Variants in ADARB2 observed in about 807,000 individuals in gnomAD.
ADARB2 encodes inactive double-stranded RNA-specific editase B2.
In ADARB2, 25 loss-of-function variants were observed where a neutral mutation model predicts 62.2. That is an observed-to-expected ratio of 0.40 (90% CI 0.29 to 0.56). The LOEUF (loss-of-function observed/expected upper bound fraction) is 0.56, where lower values mean the gene tolerates loss of function less well. Ranked by LOEUF, ADARB2 falls within the 20% of genes least tolerant of loss-of-function variation. ADARB2 has a pLI of 0.43. For synonymous variants in ADARB2, 572 were observed against 500.8 expected, an observed-to-expected ratio of 1.14 and a Z score of -1.90; for missense variants, 1,071 against 1,077.4, an observed-to-expected ratio of 0.99 and a Z score of 0.08.
rs140935816 is a variant in ADARB2 at position 1,505,862 on chromosome 10, T to C, written c.101-126702A>G. On this transcript the variant is annotated intron_variant, in intron 1 of 9. Coordinates refer to ENST00000381312, the MANE Select transcript of ADARB2 (RefSeq NM_018702.4). Reference sequence around the variant, plus strand: ...AAGCCAGAAGCTCCATCGTGTTCTATTTCTGTGTGAGTGAGTGCATGACAT... The same window carrying C: ...AAGCCAGAAGCTCCATCGTGTTCTACTTCTGTGTGAGTGAGTGCATGACAT... 2.0e-5 allele frequency among the ~76,000 whole-genome samples: 3 copies of C among 152,348 alleles called. 1 individual carries two copies. The East Asian group carries it at 5.8e-4, about 29-fold the overall frequency.
chr10:1,355,561 T>G (rs1832186854), intron 3 of ADARB2, among the ~76,000 whole-genome samples: 1 of 152,262 alleles, frequency 6.6e-6, no homozygotes, highest in Non-Finnish European at 1.5e-5. Flanking sequence ...ATGGCACTGT[T>G]GTTATCATCA....
chr10:1,721,809 T>A (rs61832026), intron 1 of ADARB2, among the ~76,000 whole-genome samples: 7 of 151,856 alleles, frequency 4.6e-5, no homozygotes, highest in African/African-American at 7.3e-5. Context: ...CAGCCCTTGG[T>A]CAGTGCTCCT....
chr10:1,640,685 C>A (rs1205315162), intron 1 of ADARB2, among the ~76,000 whole-genome samples: 1 of 152,150 alleles, frequency 6.6e-6, no homozygotes, highest in Non-Finnish European at 1.5e-5. Context: ...CATGCACACA[C>A]ATAAATGTCT....
At chr10:1,684,018 G>A (rs568276504) in intron 1 of ADARB2, among the ~76,000 whole-genome samples, 6 of 152,338 alleles carry the variant, frequency 3.9e-5, no homozygotes, top group African/African-American at 7.2e-5. Flanking sequence ...ATGCCTGTGC[G>A]CTGTGATCAC....
chr10:1,460,448 C>T (rs1831157845), intron 1 of ADARB2, among the ~76,000 whole-genome samples: 1 of 85,610 alleles, frequency 1.2e-5, no homozygotes. Context: ...CTGAGTTTAC[C>T]TGCGTAACGA....
chr10:1,241,324 G>A lies in ADARB2; in HGVS notation c.1361+807C>T, dbSNP rs1042006040. Among the ~76,000 whole-genome samples, 7 of 152,216 alleles carry A rather than the reference G, an allele frequency of 4.6e-5. No homozygotes were observed. The South Asian group carries it at 1.0e-3, about 23-fold the overall frequency. On this transcript the variant is annotated intron_variant, in intron 5 of 9. Coordinates refer to ENST00000381312, the MANE Select transcript of ADARB2 (RefSeq NM_018702.4). ...CAGCAGCGTCTGCTTAGGGCTACACGTGGGCCTTTCTCCTTTTGTGTGGCT... is the reference window on the plus strand; with the variant it reads ...CAGCAGCGTCTGCTTAGGGCTACACATGGGCCTTTCTCCTTTTGTGTGGCT...
At chr10:1,480,502 T>C (rs1007801976) in intron 1 of ADARB2, among the ~76,000 whole-genome samples, 4 of 152,242 alleles carry the variant, frequency 2.6e-5, no homozygotes, top group Admixed American at 2.0e-4. Flanking sequence ...ATTGAGACCA[T>C]CCTGGCTAAC....
chr10:1,210,528 A>T (rs1324722668), intron 7 of ADARB2, among the ~76,000 whole-genome samples: 1 of 152,220 alleles, frequency 6.6e-6, no homozygotes, highest in Non-Finnish European at 1.5e-5. Flanking sequence ...GGCCAAAGTT[A>T]GTGGCTGAGC....
At chr10:1,665,401 C>T (rs539914486) in intron 1 of ADARB2, among the ~76,000 whole-genome samples, 3 of 152,378 alleles carry the variant, frequency 2.0e-5, no homozygotes, top group Non-Finnish European at 4.4e-5. Flanking sequence ...GAACTCGCAT[C>T]CACCCAGGGA....
chr10:1,573,765 G>T (rs142612755), intron 1 of ADARB2, among the ~76,000 whole-genome samples: 1 of 152,172 alleles, frequency 6.6e-6, no homozygotes, highest in Non-Finnish European at 1.5e-5. Context: ...AAGGCAAGAT[G>T]ATGGGGGCCA....
Position 1,271,002 on chromosome 10 carries a change from G to A in ADARB2, c.1145C>T (p.Pro382Leu). The A allele has an allele frequency of 1.9e-6, 3 of 1,613,450 alleles. No homozygotes were observed. The highest frequency in any genetic ancestry group is 2.5e-6 in the Non-Finnish European group (3 of 1,179,748). ...CAGCGCTTTATGGCGGGCGTGCATG[G>A]GCGTGAGGTCCGTCGTCACCTCGCG... The part of the protein sequence containing the change: ...KFREVTTDLT[P>L]MHARHKALAG... The change falls in exon 4 of 10, where the codon CCC (proline) becomes CTC (leucine). Residue 382 changes from proline to leucine, a missense_variant. Physicochemically the swap from Pro to Leu is moderately conservative, Grantham distance 98 (BLOSUM62 -3). Transcript: ENST00000381312.
chr10:1,612,636 G>A lies in ADARB2; in HGVS notation c.100+124415C>T, dbSNP rs181021397. ...ACCTGCCAGTGATAGAGCCAATATC[G>A]CAGCCCTGTGTGTTGCCTGAGGCTC... On this transcript the variant is annotated intron_variant, in intron 1 of 9. Coordinates refer to ENST00000381312, the MANE Select transcript of ADARB2 (RefSeq NM_018702.4). 1.8e-3 allele frequency among the ~76,000 whole-genome samples: 274 copies of A among 152,200 alleles called. 2 individuals carry two copies. Among genetic ancestry groups the A allele is most frequent in the African/African-American group, 6.5e-3 (269 of 41,544 alleles).
At chr10:1,676,031 G>A (rs542789115) in intron 1 of ADARB2, 80 of 985,364 alleles carry the variant, frequency 8.1e-5, no homozygotes, top group South Asian at 2.3e-4. Flanking sequence ...GTCAGGGCGC[G>A]TTTCTAACTC....
intron 1 of ADARB2, among the ~76,000 whole-genome samples, chr10:1,572,674 A>T (rs1036498698): frequency 2.0e-5 from 3 of 152,192 alleles, no homozygotes; most frequent in Admixed American, 1.3e-4. Context: ...GATAAAGAAG[A>T]AAATAAACAC....
chr10:1,614,187 A>G (rs1288773770), intron 1 of ADARB2, among the ~76,000 whole-genome samples: 2 of 152,248 alleles, frequency 1.3e-5, no homozygotes, highest in Non-Finnish European at 2.9e-5. Flanking sequence ...GATGTCATCA[A>G]CTTAACATGG....
intron 1 of ADARB2, among the ~76,000 whole-genome samples, chr10:1,471,551 T>C (rs959828093): frequency 6.6e-6 from 1 of 152,164 alleles, no homozygotes; most frequent in Non-Finnish European, 1.5e-5. Context: ...CCACCATGCC[T>C]GGCTAATTTT....
intron 1 of ADARB2, among the ~76,000 whole-genome samples, chr10:1,529,483 C>T (rs561338461): frequency 2.0e-4 from 31 of 152,270 alleles, no homozygotes; most frequent in African/African-American, 7.0e-4. Flanking sequence ...CCTGAATCCG[C>T]CCCTGCACAG....
At chr10:1,305,982 A>G (rs1831623501) in intron 3 of ADARB2, among the ~76,000 whole-genome samples, 1 of 152,208 alleles carries the variant, frequency 6.6e-6, no homozygotes. Flanking sequence ...ATTCCCTTTG[A>G]AAACTGGCAC....
chr10:1,244,736 C>A (rs943413003), intron 4 of ADARB2, among the ~76,000 whole-genome samples: 1 of 152,144 alleles, frequency 6.6e-6, no homozygotes, highest in Middle Eastern at 3.2e-3. Context: ...ATGTCACCAG[C>A]ATGACAGTGA....
Sources: gnomAD v4.1 joint callset for allele counts (sites outside exome capture counted in the v4.1 genomes callset) on GRCh38, gnomAD v4.1.1 for gene constraint, MANE v1.5 for transcripts, NCBI Gene and HGNC (gene_info 2026-07-23, HGNC 2026-07-21) for gene names.